The following GALNT1 variants were observed in gnomAD, a reference collection of about 807,000 sequenced individuals.
The protein encoded by GALNT1 is GalNAc transferase 1.
In GALNT1, 17 loss-of-function variants were observed where a neutral mutation model predicts 65.7. The observed-to-expected ratio is 0.26, with a 90% CI of 0.18 to 0.39. The LOEUF (loss-of-function observed/expected upper bound fraction) is 0.39, where lower values mean the gene tolerates loss of function less well. Ranked by LOEUF, GALNT1 falls within the 10% of genes least tolerant of loss-of-function variation. GALNT1 has a pLI of 1.00. For synonymous variants in GALNT1, 210 were observed against 219.7 expected (o/e 0.96, Z 0.39); for missense variants, 460 against 672.8 (o/e 0.68, Z 3.50).
rs538113691 is a variant in GALNT1 at position 35,674,977 on chromosome 18, C to T, written c.315-2614C>T. 3.1e-3 allele frequency among the ~76,000 whole-genome samples: 358 copies of T among 115,830 alleles called. 1 individual carries two copies. The highest frequency in any genetic ancestry group is 4.0e-3 in the Non-Finnish European group (238 of 59,810). The allele number at this position is 115,830 out of a possible 152,430, so 76.0% of individuals were successfully genotyped here. A position where few individuals can be genotyped will look rare whatever the true frequency, so the allele number is the denominator to read the frequency against. ...CAGCCTGAGCGACAGAGCGAGACTCCGTCTCAAAAAAAAAAAAAAAAAAAA... is the reference window on the plus strand; with the variant it reads ...CAGCCTGAGCGACAGAGCGAGACTCTGTCTCAAAAAAAAAAAAAAAAAAAA... On this transcript the variant is annotated intron_variant, in intron 3 of 11. Transcript: ENST00000269195.
intron 1 of GALNT1, among the ~76,000 whole-genome samples, chr18:35,643,375 A>G (rs2047190010): frequency 6.6e-6 from 1 of 152,180 alleles, no homozygotes. Flanking sequence ...CTACCACTTT[A>G]TAGTCACACC....
At chr18:35,618,489 TAAAGAC>T (rs1054361949) in intron 1 of GALNT1, among the ~76,000 whole-genome samples, 2 of 152,092 alleles carry the variant, frequency 1.3e-5, no homozygotes, top group Non-Finnish European at 2.9e-5. Context: ...TTATGGGTAA[TAAAGAC>T]AAACATGTGT....
chr18:35,591,190 A>C (rs2046439580), intron 1 of GALNT1, among the ~76,000 whole-genome samples: 1 of 152,040 alleles, frequency 6.6e-6, no homozygotes, highest in East Asian at 1.9e-4. Context: ...ATGTATACAT[A>C]CTCCTGGAGA....
chr18:35,703,762 T>C, intron 11 of GALNT1, 119 bp downstream of exon 11: 3 of 915,908 alleles, frequency 3.3e-6, no homozygotes, highest in African/African-American at 1.7e-5. Context: ...ACTTGTCTTA[T>C]ACACTAAATA....
intron 1 of GALNT1, among the ~76,000 whole-genome samples, chr18:35,614,295 TAGA>T (rs1257728763): frequency 2.0e-5 from 3 of 152,228 alleles, no homozygotes; most frequent in South Asian, 4.1e-4. Context: ...GGTTCTGCAT[TAGA>T]AGGACTATTA....
chr18:35,587,091 G>A (rs933930408), intron 1 of GALNT1, among the ~76,000 whole-genome samples: 1 of 152,128 alleles, frequency 6.6e-6, no homozygotes, highest in Admixed American at 6.5e-5. Flanking sequence ...ACATTTGTAA[G>A]TAAATATTTC....
chr18:35,593,486 A>G (rs929539595), intron 1 of GALNT1, among the ~76,000 whole-genome samples: 2 of 152,064 alleles, frequency 1.3e-5, no homozygotes, highest in Non-Finnish European at 2.9e-5. Flanking sequence ...AAGGAGCAGA[A>G]CCTATTATTA....
chr18:35,693,980 T>C (rs1453447234), intron 9 of GALNT1, among the ~76,000 whole-genome samples: 1 of 152,018 alleles, frequency 6.6e-6, no homozygotes, highest in Non-Finnish European at 1.5e-5. Context: ...TAGGAGAACC[T>C]AGAGAGTGGT....
At chr18:35,589,021 T>A (rs1286105623) in intron 1 of GALNT1, among the ~76,000 whole-genome samples, 1 of 152,210 alleles carries the variant, frequency 6.6e-6, no homozygotes, top group East Asian at 1.9e-4. Flanking sequence ...GGATCTTACT[T>A]AAGCCTTCTG....
chr18:35,669,198 A>AG (rs1300749160), intron 3 of GALNT1, among the ~76,000 whole-genome samples: 11 of 149,684 alleles, frequency 7.3e-5, no homozygotes, highest in African/African-American at 2.7e-4. Context: ...CCCAGATCAC[A>AG]CCACTGCACT....
intron 1 of GALNT1, among the ~76,000 whole-genome samples, chr18:35,632,441 A>C (rs1338099749): frequency 2.6e-5 from 4 of 152,172 alleles, no homozygotes; most frequent in South Asian, 2.1e-4. Flanking sequence ...CAAAAACAAG[A>C]AATGGGGAAA....
intron 9 of GALNT1, among the ~76,000 whole-genome samples, chr18:35,697,586 G>T (rs1598810500): frequency 6.6e-6 from 1 of 152,108 alleles, no homozygotes. Context: ...GCAAGATGCT[G>T]TTCTTCAGAT....
chr18:35,636,952 TGTG>T (rs984839912), intron 1 of GALNT1, among the ~76,000 whole-genome samples: 9 of 152,150 alleles, frequency 5.9e-5, no homozygotes, highest in African/African-American at 1.2e-4. Flanking sequence ...TTATATCTGT[TGTG>T]GTGATTTTTG....
At chr18:35,650,536 G>T (rs2047296694) in intron 1 of GALNT1, among the ~76,000 whole-genome samples, 2 of 152,166 alleles carry the variant, frequency 1.3e-5, no homozygotes, top group African/African-American at 4.8e-5. Context: ...AGTGCTACGG[G>T]AGACCGGGGC....
At chr18:35,591,517 C>T (rs1041476252) in intron 1 of GALNT1, among the ~76,000 whole-genome samples, 3 of 152,166 alleles carry the variant, frequency 2.0e-5, no homozygotes, top group African/African-American at 7.2e-5. Flanking sequence ...ACAGGTAAAC[C>T]TGTCCCCATG....
intron 1 of GALNT1, among the ~76,000 whole-genome samples, chr18:35,588,575 C>CAGA (rs2046405197): frequency 2.0e-5 from 3 of 152,212 alleles, no homozygotes; most frequent in Admixed American, 6.5e-5. Flanking sequence ...CTGGAATGTT[C>CAGA]AGTCTTTTGT....
intron 1 of GALNT1, chr18:35,596,340 G>C (rs1458321954): frequency 6.6e-6 from 1 of 152,134 alleles, no homozygotes; most frequent in Non-Finnish European, 1.5e-5. Flanking sequence ...AATTGTTGAA[G>C]GCTTTAAACC....
chr18:35,658,301 G>A (rs2047423750), intron 2 of GALNT1, among the ~76,000 whole-genome samples: 1 of 152,170 alleles, frequency 6.6e-6, no homozygotes, highest in African/African-American at 2.4e-5. Context: ...CTTTACAACA[G>A]CCTGGGGGTG....
At chr18:35,709,455 T>G (rs1277557855) in intron 11 of GALNT1, among the ~76,000 whole-genome samples, 169 bp from the exon 12 acceptor site, 1 of 151,904 alleles carries the variant, frequency 6.6e-6, no homozygotes, top group Non-Finnish European at 1.5e-5. Flanking sequence ...TCTCTCTCTC[T>G]CTCTCTGTTT....
Sources: allele counts gnomAD v4.1 joint callset (sites outside exome capture counted in the v4.1 genomes callset), GRCh38; gene constraint gnomAD v4.1.1; transcripts MANE v1.5; gene names NCBI Gene and HGNC (gene_info 2026-07-23, HGNC 2026-07-21).